The following TMPRSS9 variants were observed in gnomAD, a reference collection of about 807,000 sequenced individuals.
The protein encoded by TMPRSS9 is transmembrane serine protease 9.
A neutral mutation model predicts 111.4 loss-of-function variants in TMPRSS9; 113 were observed. That is an observed-to-expected ratio of 1.01 (90% CI 0.87 to 1.19). The LOEUF is 1.19. Ranked by LOEUF, TMPRSS9 falls within the 50% of genes most tolerant of loss-of-function variation. The probability of loss-of-function intolerance (pLI) is 0.00; values close to 1 mark genes in which losing one functional copy is unlikely to be tolerated. For missense variants in TMPRSS9, 1,803 were observed against 1,513.1 expected (o/e 1.19, Z -3.18); for synonymous variants, 805 against 659.1 (o/e 1.22, Z -3.39).
At chr19:2,416,961 C>G in intron 12 of TMPRSS9, 152 bp downstream of exon 13, 1 of 1,089,582 alleles carries the variant, frequency 9.2e-7, no homozygotes, top group Non-Finnish European at 1.3e-6. Flanking sequence ...GTCCCGCTGC[C>G]CACACACCTC....
intron 1 of TMPRSS9, among the ~76,000 whole-genome samples, chr19:2,380,283 T>TAA (rs113193082): frequency 4.2e-5 from 6 of 143,226 alleles, no homozygotes; most frequent in African/African-American, 1.5e-4. Context: ...AACCCTGTCT[T>TAA]AAAAAAAAAC....
intron 12 of TMPRSS9, among the ~76,000 whole-genome samples, chr19:2,417,153 C>A (rs1368731697): frequency 6.6e-6 from 1 of 152,138 alleles, no homozygotes; most frequent in South Asian, 2.1e-4. Flanking sequence ...ATATTTAATT[C>A]TCTGACCATT....
chr19:2,385,201 C>T (rs1397576958), upstream of TMPRSS9, among the ~76,000 whole-genome samples: 118 of 16,694 alleles, frequency 7.1e-3, no homozygotes, highest in Non-Finnish European at 0.012. Context: ...GGGCGGGGCT[C>T]GAGGGGGCGG....
chr19:2,425,826 C>CAGGGGAAGTCACTAGGGTCACTCCTAG, intron 17 of TMPRSS9, 101 bp from the exon 19 acceptor site: 1 of 1,440,012 alleles, frequency 6.9e-7, no homozygotes, highest in Non-Finnish European at 9.2e-7. Context: ...ATGCGGCTCC[C>CAGGGGAAGTCACTAGGGTCACTCCTAG]AGGGGAAGTC....
At chr19:2,376,724 T>A (rs1175685736) in intron 1 of TMPRSS9, among the ~76,000 whole-genome samples, 1 of 151,998 alleles carries the variant, frequency 6.6e-6, no homozygotes, top group Non-Finnish European at 1.5e-5. Context: ...CCCAAAGTGC[T>A]GGGATTACAG....
intron 1 of TMPRSS9, among the ~76,000 whole-genome samples, chr19:2,394,209 G>C (rs1056731655): frequency 1.6e-5 from 2 of 127,352 alleles, no homozygotes; most frequent in Non-Finnish European, 3.2e-5. Context: ...GTCAAGAAAA[G>C]AGAAGGAAAG....
chr19:2,416,827 G>C lies in TMPRSS9; in HGVS notation c.2017+18G>C, dbSNP rs199799508. On this transcript the variant is annotated intron_variant, in intron 12 of 17. Transcript: ENST00000648592. ...AGGAAATGGTGAGCGCTGCCCCATC[G>C]AGGGGAACGGTGGATTTATTCTCCA... The C allele has an allele frequency of 1.3e-6, 2 of 1,588,978 alleles. No homozygotes were observed. The highest frequency in any genetic ancestry group is 8.6e-7 in the Non-Finnish European group (1 of 1,169,126).
intron 13 of TMPRSS9, among the ~76,000 whole-genome samples, chr19:2,419,770 GC>G (rs1166009208): frequency 6.6e-6 from 1 of 152,174 alleles, no homozygotes; most frequent in Non-Finnish European, 1.5e-5. Flanking sequence ...GCCCGCCTCA[GC>G]CTCCCAAACT....
chr19:2,383,169 C>T (rs1028061135), intron 1 of TMPRSS9, among the ~76,000 whole-genome samples: 1 of 152,104 alleles, frequency 6.6e-6, no homozygotes, highest in African/African-American at 2.4e-5. Flanking sequence ...GCCTGGCCAA[C>T]ATAGCAAGAT....
At chr19:2,425,868 C>T in intron 17 of TMPRSS9, 59 bp from the exon 19 acceptor site, 1 of 1,524,734 alleles carries the variant, frequency 6.6e-7, no homozygotes, top group Non-Finnish European at 8.7e-7. Context: ...GCCAATGACC[C>T]AAGGGCTGCT....
chr19:2,398,684 C>A (rs879058629), intron 2 of TMPRSS9, 111 bp from the exon 4 acceptor site: 24 of 553,686 alleles, frequency 4.3e-5, no homozygotes, highest in South Asian at 3.4e-4. Context: ...GAAATGCTTT[C>A]CCATGGAACC....
rs557980575 is a variant in TMPRSS9 at position 2,425,745 on chromosome 19, C to G, written c.3121-182C>G. 1.5e-5 allele frequency: 17 copies of G among 1,151,952 alleles called. No individual in the cohort carries two copies. The African/African-American group carries it at 2.5e-4, about 17-fold the overall frequency. 71.4% of individuals were successfully genotyped at this position (1,151,952 alleles called of 1,614,324 possible). A position where few individuals can be genotyped will look rare whatever the true frequency, so the allele number is the denominator to read the frequency against. On this transcript the variant is annotated intron_variant, in intron 17 of 17. Transcript: ENST00000648592. ...CTGCAGTGGGAGGCACCGTTCCACT[C>G]CGGGACCACGTGGCGGGTGTCCATA... is the stretch of plus-strand genomic sequence containing the variant.
chr19:2,412,145 G>A (rs901737217), intron 9 of TMPRSS9, among the ~76,000 whole-genome samples: 1 of 152,174 alleles, frequency 6.6e-6, no homozygotes, highest in Non-Finnish European at 1.5e-5. Context: ...TGTAATCCCA[G>A]TACTTTGGGA....
chr19:2,398,253 G>A (rs1005974652), intron 2 of TMPRSS9, among the ~76,000 whole-genome samples: 2 of 150,334 alleles, frequency 1.3e-5, no homozygotes, highest in African/African-American at 4.9e-5. Context: ...CCGAGATCGT[G>A]CCACTGCACT....
chr19:2,425,661 G>A (rs1971604908), intron 17 of TMPRSS9, 168 bp downstream of exon 18: 3 of 1,317,464 alleles, frequency 2.3e-6, no homozygotes, highest in Non-Finnish European at 2.0e-6. Context: ...CTCCACAGCC[G>A]TTTATTGGGC....
intron 7 of TMPRSS9, 32 bp downstream of exon 8, chr19:2,405,577 A>G (rs1970951654): frequency 6.7e-7 from 1 of 1,486,844 alleles, no homozygotes; most frequent in African/African-American, 1.5e-5. Flanking sequence ...CCAAACCCGA[A>G]CCCTCTGTAT....
rs558475642 is a variant in TMPRSS9 at position 2,403,171 on chromosome 19, G to A, written c.646G>A (p.Asp216Asn). 1.9e-5 allele frequency: 30 copies of A among 1,610,804 alleles called. No homozygotes were observed. Among genetic ancestry groups the A allele is most frequent in the African/African-American group, 1.5e-4 (11 of 75,038 alleles). Reference sequence around the variant, plus strand: ...GTGTGACGACCAGGAGGACTGCTCCGATGGGTCCGACGAGGCGCACTGCGG... The same window carrying A: ...GTGTGACGACCAGGAGGACTGCTCCAATGGGTCCGACGAGGCGCACTGCGG... Residue 216 changes from aspartate (D) to asparagine (N), a missense_variant, in exon 6 of 18, where the codon GAT becomes AAT. Asp to Asn is a conservative substitution (Grantham distance 23). Transcript: ENST00000648592.
intron 1 of TMPRSS9, among the ~76,000 whole-genome samples, chr19:2,393,502 A>G (rs1970642891): frequency 6.6e-6 from 1 of 152,222 alleles, no homozygotes; most frequent in African/African-American, 2.4e-5. Flanking sequence ...TGTAACACTC[A>G]GCGTGAGGAT....
rs541805819 is a variant in TMPRSS9, at chr19:2,410,113, C to T, written c.1118-145C>T. On this transcript the variant is annotated intron_variant, in intron 8 of 17. Transcript: ENST00000648592. ...GTGGGGTGTTTACCTTTTGTAGTTTCAGAGCCATGTGTTGTAGGTGGCCAT... is the reference window on the plus strand; with the variant it reads ...GTGGGGTGTTTACCTTTTGTAGTTTTAGAGCCATGTGTTGTAGGTGGCCAT... The T allele has an allele frequency of 2.5e-6, 3 of 1,176,644 alleles. No individual in the cohort carries two copies. The African/African-American group carries it at 4.6e-5, about 18-fold the overall frequency. The allele number at this position is 1,176,644 out of a possible 1,614,324, so 72.9% of individuals were successfully genotyped here. A position where few individuals can be genotyped will look rare whatever the true frequency, so the allele number is the denominator to read the frequency against.
Sources: allele counts gnomAD v4.1 joint callset (sites outside exome capture counted in the v4.1 genomes callset), GRCh38; gene constraint gnomAD v4.1.1; transcripts MANE v1.5; gene names NCBI Gene and HGNC (gene_info 2026-07-23, HGNC 2026-07-21).